VPS53: variants seen among roughly 807,000 people sequenced by gnomAD.
The protein encoded by VPS53 is vacuolar protein sorting-associated protein 53 homolog.
In VPS53, 70 loss-of-function variants were observed where a neutral mutation model predicts 107.0. The ratio of observed to expected loss-of-function variants is 0.65; its 90% confidence interval spans 0.54 to 0.80. VPS53 has a LOEUF of 0.80. Ranked by LOEUF, VPS53 falls within the 30% of genes least tolerant of loss-of-function variation. The pLI is 0.00. For missense variants in VPS53, 917 were observed against 1,049.4 expected (o/e 0.87, Z 1.74); for synonymous variants, 409 against 393.3 (o/e 1.04, Z -0.47).
At chr17:554,842 C>T (rs1912191568) in intron 15 of VPS53, among the ~76,000 whole-genome samples, 1 of 152,152 alleles carries the variant, frequency 6.6e-6, no homozygotes, top group African/African-American at 2.4e-5. Flanking sequence ...ATTGCCTAAA[C>T]CAGCAATTTC....
At chr17:704,435 A>T (rs1338122659) in intron 2 of VPS53, among the ~76,000 whole-genome samples, 3 of 152,212 alleles carry the variant, frequency 2.0e-5, no homozygotes, top group Non-Finnish European at 4.4e-5. Flanking sequence ...ACTTTAAACA[A>T]TCTAAACTCA....
At chr17:652,557 T>A (rs1970996173) in intron 7 of VPS53, among the ~76,000 whole-genome samples, 1 of 152,012 alleles carries the variant, frequency 6.6e-6, no homozygotes, top group African/African-American at 2.4e-5. Flanking sequence ...CAACAAAGAA[T>A]CCCAGCAACG....
At position 537,127 on chromosome 17, in the gene VPS53, G is replaced by A. The variant is rs1567605998; in HGVS notation, c.1916C>T (p.Thr639Ile). The A allele has an allele frequency of 6.2e-7, 1 of 1,614,118 alleles. No homozygotes were observed. The highest frequency in any genetic ancestry group is 8.5e-7 in the Non-Finnish European group (1 of 1,180,028). The change falls in exon 18 of 22, where the codon ACC becomes ATC. Residue 639 changes from threonine (T) to isoleucine (I), a missense_variant. Transcript: ENST00000437048. ...CTGCTTGATGTGCAGAATGACAGAG[G>A]TGACGTAGGGGCTCTGGTCACCAAC... ...EHVGDQSPYV[T>I]SVILHIKQNV...
At chr17:563,777 TAAAAAC>T (rs1218783698) in intron 13 of VPS53, among the ~76,000 whole-genome samples, 1 of 152,168 alleles carries the variant, frequency 6.6e-6, no homozygotes, top group Non-Finnish European at 1.5e-5. Flanking sequence ...CTCTACTTCC[TAAAAAC>T]AAAAAGGTTA....
chr17:590,085 A>T lies in VPS53; in HGVS notation c.1219-3721T>A, dbSNP rs534356848. Reference sequence around the variant, plus strand: ...TGGTTCGTAGTTCTCCTTGAAGAGGACCTTCACATCCCTTGTAAGTTGGAT... The same window carrying T: ...TGGTTCGTAGTTCTCCTTGAAGAGGTCCTTCACATCCCTTGTAAGTTGGAT... On this transcript the variant is annotated intron_variant, in intron 12 of 21. Transcript: ENST00000437048. Among the ~76,000 whole-genome samples, 252 of 152,104 alleles carry T rather than the reference A, an allele frequency of 1.7e-3. 1 individual carries two copies. The highest frequency in any genetic ancestry group is 3.5e-3 in the Admixed American group (53 of 15,254).
intron 13 of VPS53, among the ~76,000 whole-genome samples, chr17:574,838 G>A (rs898614569): frequency 7.2e-5 from 11 of 152,214 alleles, no homozygotes; most frequent in Admixed American, 2.6e-4. Context: ...TGGGTTAAGA[G>A]AAGATGGGGC....
At chr17:646,087 A>G (rs1273131286) in intron 7 of VPS53, among the ~76,000 whole-genome samples, 5 of 117,258 alleles carry the variant, frequency 4.3e-5, no homozygotes, top group African/African-American at 1.5e-4. Flanking sequence ...TTTCTAATTC[A>G]TACCACGGAC....
At chr17:603,620 T>A (rs1968424067) in intron 11 of VPS53, among the ~76,000 whole-genome samples, 1 of 152,136 alleles carries the variant, frequency 6.6e-6, no homozygotes, top group African/African-American at 2.4e-5. Flanking sequence ...CTCGAGGTAA[T>A]CAGTAGTAAG....
intron 13 of VPS53, among the ~76,000 whole-genome samples, chr17:569,166 T>C (rs868631699): frequency 2.6e-5 from 4 of 152,174 alleles, no homozygotes; most frequent in Non-Finnish European, 5.9e-5. Flanking sequence ...GATAGTGGCA[T>C]GTAAAAAGGA....
intron 17 of VPS53, among the ~76,000 whole-genome samples, chr17:548,541 G>C (rs57979308): frequency 1.7e-5 from 1 of 60,136 alleles, no homozygotes; most frequent in African/African-American, 1.0e-4. Context: ...ATCATCCAAC[G>C]ACTACACTCC....
intron 7 of VPS53, among the ~76,000 whole-genome samples, chr17:632,239 C>A (rs1474158149): frequency 6.6e-6 from 1 of 152,032 alleles, no homozygotes; most frequent in African/African-American, 2.4e-5. Flanking sequence ...CAGAGGGAGA[C>A]CTTGGCTCTA....
At chr17:624,776 C>G (rs922455885) in intron 10 of VPS53, among the ~76,000 whole-genome samples, 2 of 152,198 alleles carry the variant, frequency 1.3e-5, no homozygotes, top group Non-Finnish European at 2.9e-5. Context: ...AATTAGCTAA[C>G]AGTTTCTCAA....
intron 4 of VPS53, among the ~76,000 whole-genome samples, chr17:683,521 G>C (rs1972477457): frequency 6.6e-6 from 1 of 152,142 alleles, no homozygotes; most frequent in Non-Finnish European, 1.5e-5. Context: ...AACACTAAAG[G>C]AAGTTCATGA....
At chr17:689,393 G>C (rs1972699487) in intron 4 of VPS53, among the ~76,000 whole-genome samples, 1 of 151,720 alleles carries the variant, frequency 6.6e-6, no homozygotes, top group African/African-American at 2.4e-5. Context: ...AAACCCCTGG[G>C]CTCACGCAAT....
At chr17:648,035 T>C (rs1029677876) in intron 7 of VPS53, among the ~76,000 whole-genome samples, 18 of 152,144 alleles carry the variant, frequency 1.2e-4, no homozygotes, top group African/African-American at 3.9e-4. Flanking sequence ...ACTTCAGCAG[T>C]AGCCAGAGGG....
At chr17:621,644 C>G (rs1969471730) in intron 11 of VPS53, among the ~76,000 whole-genome samples, 1 of 152,048 alleles carries the variant, frequency 6.6e-6, no homozygotes, top group Non-Finnish European at 1.5e-5. Context: ...TGTTTATTAG[C>G]CAACTGAATT....
intron 4 of VPS53, among the ~76,000 whole-genome samples, chr17:683,194 T>C (rs1972465618): frequency 6.6e-6 from 1 of 152,056 alleles, no homozygotes; most frequent in African/African-American, 2.4e-5. Flanking sequence ...AGTAGAATTC[T>C]AGGAGGAAGA....
intron 18 of VPS53, among the ~76,000 whole-genome samples, chr17:536,153 G>C (rs897115169): frequency 1.1e-4 from 16 of 152,200 alleles, no homozygotes; most frequent in Admixed American, 7.8e-4. Context: ...ACTCAGGGCA[G>C]AAATGGCCAC....
intron 4 of VPS53, among the ~76,000 whole-genome samples, chr17:664,992 C>A (rs1431614215): frequency 1.3e-5 from 2 of 152,012 alleles, no homozygotes; most frequent in Non-Finnish European, 2.9e-5. Context: ...AGTGAAGAGT[C>A]CCATCTGCAA....
Sources: allele counts gnomAD v4.1 joint callset (sites outside exome capture counted in the v4.1 genomes callset), GRCh38; gene constraint gnomAD v4.1.1; transcripts MANE v1.5; gene names NCBI Gene and HGNC (gene_info 2026-07-23, HGNC 2026-07-21).